C7: variants seen among roughly 807,000 people sequenced by gnomAD.
C7 encodes the protein complement C7, also known as complement component C7.
In C7, 83 loss-of-function variants were observed where a neutral mutation model predicts 104.8. The ratio of observed to expected loss-of-function variants is 0.79; its 90% CI spans 0.66 to 0.95. C7 has a LOEUF of 0.95. C7 is among the 40% of genes least tolerant of loss of function. The probability of loss-of-function intolerance (pLI) is 0.00; values close to 1 mark genes in which losing one functional copy is unlikely to be tolerated. For synonymous variants in C7, 415 were observed against 360.6 expected, an observed-to-expected ratio of 1.15 and a Z score of -1.71; for missense variants, 1,070 against 1,011.2, an observed-to-expected ratio of 1.06 and a Z score of -0.79.
At chr5:40,968,600 ATTTTTTTTTTTTTTTTTTTT>A (rs70988826) in intron 14 of C7, among the ~76,000 whole-genome samples, 4 of 25,496 alleles carry the variant, frequency 1.6e-4, no homozygotes, top group Non-Finnish European at 2.1e-4. Flanking sequence ...ATATATATAT[ATTTTTTTTTTTTTTTTTTTT>A]TTTTTTTTTG....
At chr5:40,975,510 T>C (rs6898967) in intron 15 of C7, among the ~76,000 whole-genome samples, 89,855 of 151,718 alleles carry the variant, frequency 0.59, 27,343 homozygotes, top group African/African-American at 0.75. Flanking sequence ...ATTACAGGCA[T>C]GTGCCACCAT....
At chr5:40,946,111 C>A (rs1490308788) in intron 7 of C7, among the ~76,000 whole-genome samples, 13 of 151,702 alleles carry the variant, frequency 8.6e-5, no homozygotes, top group Admixed American at 8.6e-4. Context: ...TTCTTAAATG[C>A]AAATGCTAGA....
intron 13 of C7, chr5:40,964,442 G>A (rs1740499283): frequency 5.2e-6 from 1 of 193,790 alleles, no homozygotes; most frequent in Non-Finnish European, 1.0e-5. Context: ...AAATTATTTG[G>A]ACAGTGTCCA....
intron 10 of C7, 81 bp downstream of exon 10, chr5:40,955,634 G>A: frequency 4.7e-6 from 6 of 1,285,052 alleles, no homozygotes; most frequent in South Asian, 4.2e-5. Flanking sequence ...AAATCAAGAT[G>A]GTTAAACAGA....
rs775295897 is a variant in C7 at position 40,936,397 on chromosome 5, G to A, written c.340G>A (p.Ala114Thr). 1.9e-6 allele frequency: 3 copies of A among 1,613,188 alleles called. No homozygotes were observed. The South Asian group carries it at 3.3e-5, about 18-fold the overall frequency. Residue 114 changes from alanine to threonine, a missense_variant, in exon 5 of 18, where the codon GCT (alanine) becomes ACT (threonine). Coordinates refer to ENST00000313164, the MANE Select transcript of C7 (RefSeq NM_000587.4). ...GGATTCTGACTGTGATGAAGACAGT[G>A]CTGATGAAGACAGATGTGAGGACTC... ...NGDSDCDEDS[A>T]DEDRCEDSER... is the part of the protein sequence containing the mutation.
At chr5:40,940,394 C>T (rs1475732842) in intron 6 of C7, among the ~76,000 whole-genome samples, 1 of 152,074 alleles carries the variant, frequency 6.6e-6, no homozygotes, top group Non-Finnish European at 1.5e-5. Context: ...TGAGAGATAG[C>T]AGAGGACTAT....
intron 1 of C7, among the ~76,000 whole-genome samples, chr5:40,923,770 G>C (rs967450902): frequency 1.3e-5 from 2 of 151,822 alleles, no homozygotes; most frequent in Non-Finnish European, 2.9e-5. Context: ...GTATGCGAGA[G>C]GGGGAAAATG....
At chr5:40,972,138 G>T (rs1251532578) in intron 14 of C7, 1 of 533,616 alleles carries the variant, frequency 1.9e-6, no homozygotes, top group Non-Finnish European at 3.4e-6. Context: ...CTCTATTGGG[G>T]TTGTTCATTT....
intron 14 of C7, among the ~76,000 whole-genome samples, 173 bp from the exon 15 acceptor site, chr5:40,972,230 G>A (rs1376274085): frequency 6.6e-6 from 1 of 152,158 alleles, no homozygotes; most frequent in Non-Finnish European, 1.5e-5. Context: ...TCAATTACGT[G>A]CCAGGCTCTG....
rs569521833 is a variant in C7, at chr5:40,966,088, T to A, written c.1882+1215T>A. ...GTTTGTCTGTCTTTTTCTTATTTTT[T>A]AATTTAATTTAATTTTTAATTTTAA... On this transcript the variant is annotated intron_variant, in intron 14 of 17. Transcript: ENST00000313164. Among the ~76,000 whole-genome samples the A allele has an allele frequency of 1.5e-3, 230 of 152,172 alleles. 1 individual carries two copies. The highest frequency in any genetic ancestry group is 5.2e-3 in the African/African-American group (217 of 41,568).
At chr5:40,947,887 A>C in intron 8 of C7, 42 bp downstream of exon 8, 2 of 1,579,466 alleles carry the variant, frequency 1.3e-6, no homozygotes, top group Non-Finnish European at 1.7e-6. Flanking sequence ...CATTTCTGGG[A>C]TTTTAATGGG....
At chr5:40,966,032 G>T (rs149423758) in intron 14 of C7, among the ~76,000 whole-genome samples, 1 of 152,004 alleles carries the variant, frequency 6.6e-6, no homozygotes, top group East Asian at 1.9e-4. Context: ...AGAAATGGCT[G>T]TCTATGTCTT....
rs3805228 is a variant in C7, at chr5:40,978,568, A to G, written c.2166-1157A>G. ...AGTTCTATTTAAAGTTTCAATAAAC[A>G]GATGAAAAGATAGATTCAAAACAAC... is the stretch of plus-strand genomic sequence containing the variant. On this transcript the variant is annotated intron_variant, in intron 16 of 17. Coordinates refer to ENST00000313164, the MANE Select transcript of C7 (RefSeq NM_000587.4). Among the ~76,000 whole-genome samples the G allele has an allele frequency of 9.2e-3, 1,401 of 152,346 alleles. 49 individuals carry two copies. In the East Asian group the frequency reaches 0.13, roughly 14 times the overall value.
chr5:40,947,989 A>G, intron 8 of C7, 144 bp downstream of exon 8: 1 of 874,418 alleles, frequency 1.1e-6, no homozygotes, highest in South Asian at 1.5e-5. Context: ...GCAAGAATGT[A>G]TTATTGTCTA....
intron 1 of C7, among the ~76,000 whole-genome samples, chr5:40,925,711 G>A (rs1459608061): frequency 1.3e-5 from 2 of 152,148 alleles, no homozygotes; most frequent in East Asian, 3.8e-4. Context: ...TACAAGCATG[G>A]CATCAACATT....
At chr5:40,909,703 T>A in intron 1 of C7, 87 bp downstream of exon 1, 1 of 930,364 alleles carries the variant, frequency 1.1e-6, no homozygotes, top group Non-Finnish European at 1.6e-6. Context: ...AACGAAGAGG[T>A]GTAATACCTA....
At chr5:40,955,620 G>C in intron 10 of C7, 67 bp downstream of exon 10, 1 of 1,456,668 alleles carries the variant, frequency 6.9e-7, no homozygotes, top group Non-Finnish European at 9.4e-7. Flanking sequence ...AAACGAAGGT[G>C]GTTAAATCAA....
intron 3 of C7, among the ~76,000 whole-genome samples, chr5:40,932,609 A>G (rs1250800729): frequency 1.3e-5 from 2 of 152,232 alleles, no homozygotes; most frequent in Non-Finnish European, 2.9e-5. Flanking sequence ...AACAAATTAC[A>G]TGAATAAAGA....
intron 6 of C7, among the ~76,000 whole-genome samples, chr5:40,938,358 G>T (rs370192768): frequency 6.6e-6 from 1 of 151,964 alleles, no homozygotes; most frequent in African/African-American, 2.4e-5. Flanking sequence ...TGTATAAATA[G>T]AATCATATCT....
Sources: gnomAD v4.1 joint callset for allele counts (sites outside exome capture counted in the v4.1 genomes callset) on GRCh38, gnomAD v4.1.1 for gene constraint, MANE v1.5 for transcripts, NCBI Gene and HGNC (gene_info 2026-07-23, HGNC 2026-07-21) for gene names.